The following CKB variants were observed in gnomAD, a reference collection of about 807,000 sequenced individuals.
CKB encodes creatine kinase B, also known as creatine kinase B-type.
A neutral mutation model predicts 36.9 loss-of-function variants in CKB; 15 were observed. That is an observed-to-expected ratio of 0.41 (90% CI 0.27 to 0.63). The LOEUF (loss-of-function observed/expected upper bound fraction) is 0.63. CKB is among the 20% of genes least tolerant of loss of function. The pLI, the probability that CKB is intolerant of heterozygous loss-of-function variation, is 0.34. For synonymous variants in CKB, 250 were observed against 228.2 expected (o/e 1.10, Z -0.86); for missense variants, 413 against 534.9 (o/e 0.77, Z 2.25).
intron 5 of CKB, 108 bp from the exon 6 acceptor site, chr14:103,520,700 A>T: frequency 7.0e-7 from 1 of 1,419,498 alleles, no homozygotes; most frequent in Non-Finnish European, 9.3e-7. Context: ...CATGCCCAGG[A>T]GTGGAGGCTG....
Position 103,522,283 on chromosome 14 carries a change from C to G in CKB, c.193+18G>C, listed in dbSNP as rs775160394. ...GGGGGAGGGGGGGCCGGGACCCCGG[C>G]CCCGAGGGGTCGCGTACCCGGGTTG... On this transcript the variant is annotated intron_variant, in intron 2 of 7. Transcript: ENST00000348956. The surrounding 1 kb of genome is among the most constrained non-coding windows in gnomAD (Gnocchi z 6.7). The G allele has an allele frequency of 1.3e-6, 2 of 1,593,876 alleles. No homozygotes were observed. The highest frequency in any genetic ancestry group is 2.2e-5 in the South Asian group (2 of 89,776).
At position 103,522,659 on chromosome 14, in the gene CKB, G is replaced by C. The variant is rs539248079; in HGVS notation, c.-13+107C>G. On this transcript the variant is annotated intron_variant, in intron 1 of 7. Transcript: ENST00000348956. The surrounding 1 kb of genome is among the most constrained non-coding windows in gnomAD (Gnocchi z 6.7). ...AGCGCGCGCGGGGAGCGCCATCATC[G>C]CCGGGGACCCCCGGCCGGTCCGGCG... The C allele has an allele frequency of 1.9e-3, 550 of 293,906 alleles. 2 individuals carry two copies. The highest frequency in any genetic ancestry group is 0.012 in the African/African-American group (522 of 44,004). 18.2% of individuals were successfully genotyped at this position (293,906 alleles called of 1,614,324 possible). A position where few individuals can be genotyped will look rare whatever the true frequency, so the allele number is the denominator to read the frequency against.
Position 103,521,959 on chromosome 14 carries a change from C to T in CKB, c.349-9G>A. On this transcript the variant is annotated splice_polypyrimidine_tract_variant and intron_variant, in intron 3 of 7. Coordinates refer to ENST00000348956, the MANE Select transcript of CKB (RefSeq NM_001823.5). The stretch of plus-strand genomic sequence containing the variant: ...TCCAGGTCGTCGCCGCCCTGGGAGG[C>T]GAGACGGGAGTGAGCGCCCGAAGAC... 1 of 1,568,128 alleles carries T rather than the reference C, an allele frequency of 6.4e-7. No homozygotes were observed.
At position 103,519,980 on chromosome 14, in the gene CKB, A is replaced by C; in HGVS notation, c.1030T>G (p.Phe344Val). Residue 344 changes from phenylalanine (F) to valine (V), a missense_variant, in exon 8 of 8, where the codon TTC (phenylalanine) becomes GTC (valine). Physicochemically the swap from Phe to Val is conservative, Grantham distance 50 (BLOSUM62 -1). This residue lies in a region of CKB where 314 missense variants were observed against 409.4 expected (regional missense o/e 0.77). Coordinates refer to ENST00000348956, the MANE Select transcript of CKB (RefSeq NM_001823.5). ...ATCTGCACCAGCTCCACCTCTGAGA[A>C]GCCCAGGCGGTCAGCGTTGGAGACG... ...FDVSNADRLG[F>V]SEVELVQMVV... 1 of 1,611,168 alleles carries C rather than the reference A, an allele frequency of 6.2e-7. No individual in the cohort carries two copies. Among genetic ancestry groups the C allele is most frequent in the Non-Finnish European group, 8.5e-7 (1 of 1,179,988 alleles).
In CKB at chr14:103,521,369, C is replaced by T; in HGVS notation, c.547G>A (p.Glu183Lys). 6.2e-7 allele frequency: 1 copy of T among 1,609,750 alleles called. No individual in the cohort carries two copies. The highest frequency in any genetic ancestry group is 1.1e-5 in the South Asian group (1 of 90,906). Reference protein sequence around the residue: ...YYALKSMTEAEQQQLIDDHFL... With the variant: ...YYALKSMTEAKQQQLIDDHFL... The stretch of plus-strand genomic sequence containing the variant: ...TGGTCGTCGATGAGCTGCTGCTGCT[C>T]CGCCTCCGTCATGCTCTTGAGCGCG... Residue 183 changes from glutamate to lysine, a missense_variant, in exon 5 of 8, where the codon GAG (glutamate) becomes AAG (lysine). By Grantham distance (56) the Glu-to-Lys change is moderately conservative. Transcript: ENST00000348956.
At position 103,522,297 on chromosome 14, in the gene CKB, G is replaced by A. The variant is rs2075908826; in HGVS notation, c.193+4C>T. 1 of 1,602,134 alleles carries A rather than the reference G, an allele frequency of 6.2e-7. No homozygotes were observed. Among genetic ancestry groups the A allele is most frequent in the Admixed American group, 1.7e-5 (1 of 59,172 alleles). On this transcript the variant is annotated splice_donor_region_variant and intron_variant, in intron 2 of 7. Coordinates refer to ENST00000348956, the MANE Select transcript of CKB (RefSeq NM_001823.5). This position sits in a 1 kb window ranked among gnomAD's most constrained non-coding sequence, Gnocchi z 6.7. Reference sequence around the variant, plus strand: ...CGGGACCCCGGCCCCGAGGGGTCGCGTACCCGGGTTGTCCACGCCTGTCTG... The same window carrying A: ...CGGGACCCCGGCCCCGAGGGGTCGCATACCCGGGTTGTCCACGCCTGTCTG...
At position 103,522,485 on chromosome 14, in the gene CKB, G is replaced by T; in HGVS notation, c.9C>A (p.Phe3Leu). 1 of 1,596,144 alleles carries T rather than the reference G, an allele frequency of 6.3e-7. No individual in the cohort carries two copies. Reference sequence around the variant, plus strand: ...GCTTCAGTGCGTTGTGGCTGTTGGAGAAGGGCATGGCGGCGGCGGGCTGCG... The same window carrying T: ...GCTTCAGTGCGTTGTGGCTGTTGGATAAGGGCATGGCGGCGGCGGGCTGCG... MP[F>L]SNSHNALKLR... is the part of the protein sequence containing the mutation. Residue 3 changes from phenylalanine to leucine, a missense_variant, in exon 2 of 8, where the codon TTC becomes TTA. Physicochemically the swap from Phe to Leu is conservative, Grantham distance 22. Coordinates refer to ENST00000348956, the MANE Select transcript of CKB (RefSeq NM_001823.5). This position sits in a 1 kb window ranked among gnomAD's most constrained non-coding sequence, Gnocchi z 6.7.
At chr14:103,521,652 G>A in intron 4 of CKB, 166 bp downstream of exon 4, 1 of 1,000,082 alleles carries the variant, frequency 1.0e-6, no homozygotes, top group Non-Finnish European at 1.3e-6. Context: ...GTGGGCGCGG[G>A]GCTGGGCCTC....
At position 103,519,882 on chromosome 14, in the gene CKB, G is replaced by A. The variant is rs899865121; in HGVS notation, c.1128C>T (p.Leu376=). Residue 376 remains leucine, a synonymous_variant, in exon 8 of 8, where the codon CTC becomes CTT. Transcript: ENST00000348956. Reference sequence around the variant, plus strand: ...CCGGGCTTCATTTCTGGGCAGGCATGAGGTCGTCGATGGCCTGGCCCTGCT... The same window carrying A: ...CCGGGCTTCATTTCTGGGCAGGCATAAGGTCGTCGATGGCCTGGCCCTGCT... ...RLEQGQAIDD[L]MPAQK is the part of the protein sequence containing the mutation. The A allele has an allele frequency of 1.2e-6, 2 of 1,605,698 alleles. No individual in the cohort carries two copies. The highest frequency in any genetic ancestry group is 1.7e-6 in the Non-Finnish European group (2 of 1,179,776).
intron 4 of CKB, 85 bp from the exon 5 acceptor site, chr14:103,521,519 C>T: frequency 7.8e-7 from 1 of 1,287,950 alleles, no homozygotes; most frequent in South Asian, 1.7e-5. Flanking sequence ...CGTGCCCCAC[C>T]TCGGGGGACG....
chr14:103,520,312 C>G lies in CKB; in HGVS notation c.778-1G>C, dbSNP rs759927790. 1.9e-6 allele frequency: 3 copies of G among 1,602,714 alleles called. No individual in the cohort carries two copies. Among genetic ancestry groups the G allele is most frequent in the Admixed American group, 3.4e-5 (2 of 59,158 alleles). On this transcript the variant is annotated splice_acceptor_variant, in intron 6 of 7. Transcript: ENST00000348956. LOFTEE classifies it high-confidence loss of function. The stretch of plus-strand genomic sequence containing the variant: ...CCTTAGACTTGAAGAGAGTTTCAAT[C>G]TGCAGACGGAGAAGAGGGTATGAGG...
Position 103,521,678 on chromosome 14 carries a change from C to G in CKB, c.481+140G>C, listed in dbSNP as rs968603019. The G allele has an allele frequency of 1.0e-4, 112 of 1,108,736 alleles. No individual in the cohort carries two copies. The East Asian group carries it at 3.6e-3, about 36-fold the overall frequency. 68.7% of individuals were successfully genotyped at this position (1,108,736 alleles called of 1,614,324 possible). A position where few individuals can be genotyped will look rare whatever the true frequency, so the allele number is the denominator to read the frequency against. On this transcript the variant is annotated intron_variant, in intron 4 of 7. Transcript: ENST00000348956. ...GCTGGGCCTCCGTCCCTCGGTCCCT[C>G]CGGGAAACTGAACCCGGGCGCGCGC...
chr14:103,520,155 G>A lies in CKB; in HGVS notation c.934C>T (p.Leu312Phe), dbSNP rs762172752. 21 of 1,607,336 alleles carry A rather than the reference G, an allele frequency of 1.3e-5. No homozygotes were observed. The highest frequency in any genetic ancestry group is 1.7e-5 in the Non-Finnish European group (20 of 1,176,556). Reference protein sequence around the residue: ...LGKHEKFSEVLKRLRLQKRGT... With the variant: ...LGKHEKFSEVFKRLRLQKRGT... ...CGCTTCTGAAGTCGCAGCCGCTTAA[G>A]CACCTCCGAGAACTTCTCATGCTTG... The change falls in exon 7 of 8, where the codon CTT becomes TTT. Residue 312 changes from leucine to phenylalanine, a missense_variant. Physicochemically the swap from Leu to Phe is conservative, Grantham distance 22 (BLOSUM62 0). Transcript: ENST00000348956.
chr14:103,521,358 C>G lies in CKB; in HGVS notation c.558G>C (p.Gln186His). The G allele has an allele frequency of 1.2e-6, 2 of 1,609,850 alleles. No individual in the cohort carries two copies. The highest frequency in any genetic ancestry group is 1.7e-6 in the Non-Finnish European group (2 of 1,179,372). Residue 186 changes from glutamine (Q) to histidine (H), a missense_variant, in exon 5 of 8, where the codon CAG becomes CAC. By Grantham distance (24) the Gln-to-His change is conservative. This residue lies in a region of CKB where 314 missense variants were observed against 409.4 expected (regional missense o/e 0.77). Coordinates refer to ENST00000348956, the MANE Select transcript of CKB (RefSeq NM_001823.5). ...CGAAGAGGAAGTGGTCGTCGATGAG[C>G]TGCTGCTGCTCCGCCTCCGTCATGC... ...LKSMTEAEQQ[Q>H]LIDDHFLFDK...
chr14:103,521,781 G>C, intron 4 of CKB, 37 bp downstream of exon 4: 1 of 1,352,956 alleles, frequency 7.4e-7, no homozygotes, highest in Non-Finnish European at 9.4e-7. Flanking sequence ...GGAGGGGGAC[G>C]CGGCCGCCGC....
chr14:103,520,505 C>A lies in CKB; in HGVS notation c.741G>T (p.Lys247Asn), dbSNP rs148243589. Residue 247 changes from lysine to asparagine, a missense_variant, in exon 6 of 8, where the codon AAG (lysine) becomes AAT (asparagine). By Grantham distance (94) the Lys-to-Asn change is moderately conservative. Coordinates refer to ENST00000348956, the MANE Select transcript of CKB (RefSeq NM_001823.5). ...VISMQKGGNM[K>N]EVFTRFCTGL... The stretch of plus-strand genomic sequence containing the variant: ...CGGTGCAGAAGCGGGTGAACACCTC[C>A]TTCATGTTGCCCCCCTTCTGCATGG... 6.2e-7 allele frequency: 1 copy of A among 1,609,336 alleles called. No individual in the cohort carries two copies.
rs536906018 is a variant in CKB, at chr14:103,521,814, C to T, written c.481+4G>A. On this transcript the variant is annotated splice_donor_region_variant and intron_variant, in intron 4 of 7. Transcript: ENST00000348956. ...CGCCGCCCCTCGGCCCGCCCGGCCC[C>T]TACCTTCCACCGCGAGCTTCTCGAT... 1.4e-4 allele frequency: 203 copies of T among 1,476,794 alleles called. No homozygotes were observed. Among genetic ancestry groups the T allele is most frequent in the Non-Finnish European group, 1.7e-4 (187 of 1,120,936 alleles). 91.5% of individuals were successfully genotyped at this position (1,476,794 alleles called of 1,614,324 possible).
chr14:103,520,068 A>G (rs1229691693), intron 7 of CKB, 26 bp from the exon 8 acceptor site: 1 of 1,608,194 alleles, frequency 6.2e-7, no homozygotes, highest in South Asian at 1.1e-5. Context: ...GTCAGGGCGG[A>G]GGAAACAGGG....
chr14:103,522,353 C>A lies in CKB; in HGVS notation c.141G>T (p.Thr47=), dbSNP rs781697279. The part of the protein sequence containing the change: ...ELYAELRAKS[T]PSGFTLDDVI... ...CGTCGTCCAGCGTGAAGCCGCTCGG[C>A]GTGCTCTTGGCGCGCAGCTCCGCGT... Residue 47 remains threonine (T), a synonymous_variant, in exon 2 of 8, where the codon ACG becomes ACT. Coordinates refer to ENST00000348956, the MANE Select transcript of CKB (RefSeq NM_001823.5). This position sits in a 1 kb window ranked among gnomAD's most constrained non-coding sequence, Gnocchi z 6.7. The A allele has an allele frequency of 1.2e-5, 19 of 1,610,986 alleles. No homozygotes were observed. The highest frequency in any genetic ancestry group is 8.3e-5 in the Admixed American group (5 of 59,920).
Sources: allele counts gnomAD v4.1 joint callset, GRCh38; gene constraint gnomAD v4.1.1; regional missense constraint gnomAD v4.1.1; non-coding constraint Gnocchi (gnomAD v3.1); transcripts MANE v1.5; gene names NCBI Gene and HGNC (gene_info 2026-07-23, HGNC 2026-07-21).